Variants in GID8 observed in about 807,000 individuals in gnomAD.
GID8 encodes the protein GID complex subunit 8 homolog, also known as glucose-induced degradation protein 8 homolog.
A neutral mutation model predicts 27.4 loss-of-function variants in GID8; 6 were observed. The ratio of observed to expected loss-of-function variants is 0.22; its 90% CI spans 0.12 to 0.43. The LOEUF is 0.43. Ranked by LOEUF, GID8 falls within the 20% of genes least tolerant of loss-of-function variation. The pLI, the probability that GID8 is intolerant of heterozygous loss-of-function variation, is 1.00. For missense variants in GID8, 173 were observed against 287.6 expected (o/e 0.60, Z 2.88); for synonymous variants, 112 against 109.0 (o/e 1.03, Z -0.17).
At position 62,943,284 on chromosome 20, in the gene GID8, T is replaced by C; in HGVS notation, c.315+101T>C. ...CTAGGCTAATTTGCTTTAATAATGT[T>C]ATTTCAATGCATGTGAGGGGGAGAG... On this transcript the variant is annotated intron_variant, in intron 3 of 4. Coordinates refer to ENST00000266069, the MANE Select transcript of GID8 (RefSeq NM_017896.3). The surrounding 1 kb of genome is among the most constrained non-coding windows in gnomAD (Gnocchi z 4.7). 2.9e-6 allele frequency: 3 copies of C among 1,028,666 alleles called. No homozygotes were observed. Among genetic ancestry groups the C allele is most frequent in the Non-Finnish European group, 4.4e-6 (3 of 687,572 alleles). The allele number at this position is 1,028,666 out of a possible 1,614,324, so 63.7% of individuals were successfully genotyped here.
chr20:62,946,975 AG>A lies in GID8; in HGVS notation c.*2065del, dbSNP rs2147636052. 1.3e-5 allele frequency: 2 copies of A among 152,394 alleles called. No individual in the cohort carries two copies. The highest frequency in any genetic ancestry group is 2.9e-5 in the Non-Finnish European group (2 of 68,052). 9.4% of individuals were successfully genotyped at this position (152,394 alleles called of 1,614,324 possible). On this transcript the variant is annotated 3_prime_UTR_variant, in exon 5 of 5. Transcript: ENST00000266069. ...TAGAGGGTGTGAGAAGCACAGCAAT[AG>A]GAAGTCTCTCCACAAACTAGGGGAA...
Position 62,943,364 on chromosome 20 carries a change from A to G in GID8, c.316-131A>G, listed in dbSNP as rs2065452053. Reference sequence around the variant, plus strand: ...AAGCGGTTTTTTGTTTTAAAAATGCAAATTTGATAACTCAGAGATGCAAGA... The same window carrying G: ...AAGCGGTTTTTTGTTTTAAAAATGCGAATTTGATAACTCAGAGATGCAAGA... On this transcript the variant is annotated intron_variant, in intron 3 of 4. Transcript: ENST00000266069. The surrounding 1 kb of genome is among the most constrained non-coding windows in gnomAD (Gnocchi z 4.7). The G allele has an allele frequency of 2.9e-6, 3 of 1,034,168 alleles. No homozygotes were observed. The highest frequency in any genetic ancestry group is 2.5e-5 in the Admixed American group (1 of 39,430). 64.1% of individuals were successfully genotyped at this position (1,034,168 alleles called of 1,614,324 possible).
At chr20:62,940,871 C>T (rs1181078272) in intron 1 of GID8, among the ~76,000 whole-genome samples, 2 of 152,214 alleles carry the variant, frequency 1.3e-5, no homozygotes, top group Non-Finnish European at 2.9e-5. Flanking sequence ...AGTTTAATAG[C>T]CTCTACCACT....
chr20:62,945,844 G>A lies in GID8; in HGVS notation c.*932G>A. 1.6e-6 allele frequency: 2 copies of A among 1,289,776 alleles called. No individual in the cohort carries two copies. Among genetic ancestry groups the A allele is most frequent in the Non-Finnish European group, 1.0e-6 (1 of 988,852 alleles). The allele number at this position is 1,289,776 out of a possible 1,614,324, so 79.9% of individuals were successfully genotyped here. On this transcript the variant is annotated 3_prime_UTR_variant, in exon 5 of 5. Coordinates refer to ENST00000266069, the MANE Select transcript of GID8 (RefSeq NM_017896.3). ...GAGCCCCAGCAGGTGGTGCACGACT[G>A]TTGGCGGAAGGAACGCGTGTTCATC...
In GID8 at chr20:62,941,611, C is replaced by T. The variant is rs2065444000; in HGVS notation, c.109C>T (p.Leu37=). 1 of 1,566,542 alleles carries T rather than the reference C, an allele frequency of 6.4e-7. No homozygotes were observed. Among genetic ancestry groups the T allele is most frequent in the East Asian group, 2.2e-5 (1 of 44,684 alleles). ...ADMNRLIMNY[L]VTEGFKEAAE... is the part of the protein sequence containing the mutation. ...CATGAACCGCCTCATCATGAACTAC[C>T]TGGTCACAGGTAATGGCTTACAGTG... The change falls in exon 2 of 5, where the codon CTG becomes TTG. Residue 37 remains leucine, a synonymous_variant. Transcript: ENST00000266069.
At position 62,943,297 on chromosome 20, in the gene GID8, G is replaced by A. The variant is rs1304320773; in HGVS notation, c.315+114G>A. The stretch of plus-strand genomic sequence containing the variant: ...CTTTAATAATGTTATTTCAATGCAT[G>A]TGAGGGGGAGAGGTTTGAGTTTGCT... On this transcript the variant is annotated intron_variant, in intron 3 of 4. Transcript: ENST00000266069. This position sits in a 1 kb window ranked among gnomAD's most constrained non-coding sequence, Gnocchi z 4.7. 4 of 975,326 alleles carry A rather than the reference G, an allele frequency of 4.1e-6. No individual in the cohort carries two copies. Among genetic ancestry groups the A allele is most frequent in the Non-Finnish European group, 6.2e-6 (4 of 646,070 alleles). The allele number at this position is 975,326 out of a possible 1,614,324, so 60.4% of individuals were successfully genotyped here. A position where few individuals can be genotyped will look rare whatever the true frequency, so the allele number is the denominator to read the frequency against.
intron 1 of GID8, among the ~76,000 whole-genome samples, chr20:62,940,895 T>C (rs1053541944): frequency 2.6e-5 from 4 of 152,264 alleles, no homozygotes; most frequent in African/African-American, 9.6e-5. Context: ...TATAGATACC[T>C]AACACATTTC....
chr20:62,941,497 A>T lies in GID8; in HGVS notation c.-6A>T, dbSNP rs767692750. 19 of 1,565,132 alleles carry T rather than the reference A, an allele frequency of 1.2e-5. No individual in the cohort carries two copies. The Middle Eastern group carries it at 6.7e-4, about 55-fold the overall frequency. On this transcript the variant is annotated 5_prime_UTR_variant, in exon 2 of 5. Coordinates refer to ENST00000266069, the MANE Select transcript of GID8 (RefSeq NM_017896.3). ...TGTTATTTTTTTCCTGTAGAAATAAATCAGAATGAGTTATGCAGAAAAACC... is the reference window on the plus strand; with the variant it reads ...TGTTATTTTTTTCCTGTAGAAATAATTCAGAATGAGTTATGCAGAAAAACC...
chr20:62,946,126 T>C lies in GID8; in HGVS notation c.*1214T>C. 2.3e-6 allele frequency: 2 copies of C among 853,916 alleles called. No individual in the cohort carries two copies. Among genetic ancestry groups the C allele is most frequent in the Admixed American group, 5.1e-5 (2 of 39,326 alleles). The allele number at this position is 853,916 out of a possible 1,614,324, so 52.9% of individuals were successfully genotyped here. ...CACTGTTGACCCCACTGAGCAGTGC[T>C]AAGTGTTGGTTTAGTGGATGTTCGT... is the stretch of plus-strand genomic sequence containing the variant. On this transcript the variant is annotated 3_prime_UTR_variant, in exon 5 of 5. Transcript: ENST00000266069.
intron 1 of GID8, chr20:62,938,951 C>G (rs1212115485): frequency 6.6e-6 from 1 of 152,144 alleles, no homozygotes; most frequent in Non-Finnish European, 1.5e-5. Context: ...ACTCCCTTCT[C>G]TGCTAAAAAT....
chr20:62,941,679 TAAG>T, intron 2 of GID8, 59 bp downstream of exon 2: 1 of 931,494 alleles, frequency 1.1e-6, no homozygotes, highest in Non-Finnish European at 1.8e-6. Flanking sequence ...TTTGAACACA[TAAG>T]GAGTGCTGTA....
chr20:62,940,945 A>G (rs772981118), intron 1 of GID8, among the ~76,000 whole-genome samples: 2 of 152,234 alleles, frequency 1.3e-5, no homozygotes, highest in Non-Finnish European at 2.9e-5. Flanking sequence ...GTGCCCCCAA[A>G]CCCCAGTGAG....
Position 62,944,878 on chromosome 20 carries a change from A to ATAT in GID8, c.653_654insTAT (p.Asp218_Leu219insIle). ...AAAGTAAAATATCCCAAAATGACAG[A>ATAT]CCTCAGCAAGGGTGTGATTGAGGAG... On this transcript the variant is annotated inframe_insertion, in exon 5 of 5. Coordinates refer to ENST00000266069, the MANE Select transcript of GID8 (RefSeq NM_017896.3). 1.2e-6 allele frequency: 2 copies of ATAT among 1,613,748 alleles called. No individual in the cohort carries two copies. The highest frequency in any genetic ancestry group is 1.7e-6 in the Non-Finnish European group (2 of 1,179,754).
At chr20:62,940,938 C>T (rs1043138613) in intron 1 of GID8, among the ~76,000 whole-genome samples, 6 of 152,230 alleles carry the variant, frequency 3.9e-5, no homozygotes, top group Non-Finnish European at 7.3e-5. Flanking sequence ...ATGGGGAGTG[C>T]CCCCAAACCC....
At position 62,944,984 on chromosome 20, in the gene GID8, G is replaced by A; in HGVS notation, c.*72G>A. ...ACTTGCCTCAGATCAGCCTGCGACT[G>A]CAAGATTCTTACTGCAGTAGAGAAC... On this transcript the variant is annotated 3_prime_UTR_variant, in exon 5 of 5. Transcript: ENST00000266069. The A allele has an allele frequency of 6.6e-7, 1 of 1,512,828 alleles. No homozygotes were observed. Among genetic ancestry groups the A allele is most frequent in the Non-Finnish European group, 8.9e-7 (1 of 1,129,242 alleles). 93.7% of individuals were successfully genotyped at this position (1,512,828 alleles called of 1,614,324 possible).
intron 1 of GID8, among the ~76,000 whole-genome samples, chr20:62,940,699 C>T (rs1212022053): frequency 6.6e-6 from 1 of 152,206 alleles, no homozygotes; most frequent in African/African-American, 2.4e-5. Flanking sequence ...ATCCAGGTGA[C>T]TTTGTGTCAT....
chr20:62,946,208 T>C lies in GID8; in HGVS notation c.*1296T>C. ...GGAGCCAGTGGAGCCTGCCGGCGCA[T>C]CTGAGGGGCAGAATGCTGCTAGCAC... is the stretch of plus-strand genomic sequence containing the variant. On this transcript the variant is annotated 3_prime_UTR_variant, in exon 5 of 5. Coordinates refer to ENST00000266069, the MANE Select transcript of GID8 (RefSeq NM_017896.3). 2.8e-6 allele frequency: 1 copy of C among 351,664 alleles called. No individual in the cohort carries two copies. Among genetic ancestry groups the C allele is most frequent in the South Asian group, 2.2e-5 (1 of 46,322 alleles). The allele number at this position is 351,664 out of a possible 1,614,324, so 21.8% of individuals were successfully genotyped here.
Position 62,946,136 on chromosome 20 carries a change from T to A in GID8, c.*1224T>A, listed in dbSNP as rs1237854825. On this transcript the variant is annotated 3_prime_UTR_variant, in exon 5 of 5. Transcript: ENST00000266069. ...CCCACTGAGCAGTGCTAAGTGTTGG[T>A]TTAGTGGATGTTCGTGGAATTGCTG... is the stretch of plus-strand genomic sequence containing the variant. 1.3e-6 allele frequency: 1 copy of A among 779,714 alleles called. No homozygotes were observed. The highest frequency in any genetic ancestry group is 1.8e-5 in the African/African-American group (1 of 55,992). 48.3% of individuals were successfully genotyped at this position (779,714 alleles called of 1,614,324 possible).
intron 1 of GID8, 35 bp from the exon 2 acceptor site, chr20:62,941,455 TA>T (rs2065443337): frequency 8.3e-7 from 1 of 1,199,102 alleles, no homozygotes; most frequent in Non-Finnish European, 1.2e-6. Context: ...GAGGAGCATC[TA>T]AACCCCTCCC....
Sources: gnomAD v4.1 joint callset for allele counts (sites outside exome capture counted in the v4.1 genomes callset) on GRCh38, gnomAD v4.1.1 for gene constraint, Gnocchi (gnomAD v3.1) non-coding constraint, MANE v1.5 for transcripts, NCBI Gene and HGNC (gene_info 2026-07-23, HGNC 2026-07-21) for gene names.